KCNIP4: variants seen among roughly 807,000 people sequenced by gnomAD.
KCNIP4 encodes the protein potassium voltage-gated channel interacting protein 4, also known as Kv channel-interacting protein 4.
A neutral mutation model predicts 34.0 loss-of-function variants in KCNIP4; 12 were observed. That is an observed-to-expected ratio of 0.35 (90% CI 0.23 to 0.57). The LOEUF (loss-of-function observed/expected upper bound fraction) is 0.57, where lower values mean the gene tolerates loss of function less well. Ranked by LOEUF, KCNIP4 falls within the 20% of genes least tolerant of loss-of-function variation. The pLI is 0.83. For synonymous variants in KCNIP4, 124 were observed against 102.2 expected, an observed-to-expected ratio of 1.21 and a Z score of -1.29; for missense variants, 238 against 311.7, an observed-to-expected ratio of 0.76 and a Z score of 1.78.
At chr4:21,272,220 G>A (rs755414975) in intron 1 of KCNIP4, among the ~76,000 whole-genome samples, 4 of 152,056 alleles carry the variant, frequency 2.6e-5, no homozygotes, top group African/African-American at 4.8e-5. Context: ...TAGCAGTACC[G>A]ACCCCATAAA....
At chr4:21,824,866 C>T (rs1048034493) in intron 1 of KCNIP4, among the ~76,000 whole-genome samples, 7 of 152,204 alleles carry the variant, frequency 4.6e-5, no homozygotes, top group South Asian at 2.1e-4. Context: ...TATGTGAGAG[C>T]GAGGCCATGC....
At chr4:21,632,620 T>G (rs907351680) in intron 1 of KCNIP4, among the ~76,000 whole-genome samples, 4 of 152,270 alleles carry the variant, frequency 2.6e-5, no homozygotes, top group African/African-American at 9.6e-5. Context: ...TGTCCCAGGG[T>G]TTATAATGAG....
chr4:20,911,967 TCA>T (rs1728369520), intron 1 of KCNIP4, among the ~76,000 whole-genome samples: 1 of 152,188 alleles, frequency 6.6e-6, no homozygotes, highest in Admixed American at 6.5e-5. Context: ...TTAATCCAGC[TCA>T]CAGTGCATCA....
chr4:21,826,513 A>G (rs890239408), intron 1 of KCNIP4, among the ~76,000 whole-genome samples: 1 of 152,152 alleles, frequency 6.6e-6, no homozygotes, highest in African/African-American at 2.4e-5. Context: ...ACTAGTCAAC[A>G]AGGTGTTTTT....
At chr4:21,922,747 T>C (rs1378993507) in intron 1 of KCNIP4, among the ~76,000 whole-genome samples, 1 of 152,026 alleles carries the variant, frequency 6.6e-6, no homozygotes, top group East Asian at 1.9e-4. Flanking sequence ...GAAACAAAAA[T>C]CAGTAATGAA....
chr4:21,593,129 G>T (rs1001830263), intron 1 of KCNIP4, among the ~76,000 whole-genome samples: 2 of 151,150 alleles, frequency 1.3e-5, no homozygotes, highest in Non-Finnish European at 3.0e-5. Context: ...TTGTGTGTGT[G>T]TGTGTGTGTG....
chr4:21,301,622 C>A (rs1711715305), intron 1 of KCNIP4, among the ~76,000 whole-genome samples: 1 of 152,074 alleles, frequency 6.6e-6, no homozygotes, highest in African/African-American at 2.4e-5. Flanking sequence ...ATGAAATGAG[C>A]ATCAGTACTT....
At chr4:21,729,013 C>T (rs55877532) in intron 1 of KCNIP4, among the ~76,000 whole-genome samples, 46,355 of 151,996 alleles carry the variant, frequency 0.3, 8,227 homozygotes, top group East Asian at 0.68. Flanking sequence ...ACGCTTGTTC[C>T]TTGCATTTAT....
At chr4:21,238,840 G>T (rs1400718209) in intron 1 of KCNIP4, among the ~76,000 whole-genome samples, 1 of 152,078 alleles carries the variant, frequency 6.6e-6, no homozygotes, top group East Asian at 1.9e-4. Flanking sequence ...TCCCCATCAA[G>T]CTACCAATGA....
intron 1 of KCNIP4, among the ~76,000 whole-genome samples, chr4:21,207,165 A>G (rs1191018036): frequency 6.6e-6 from 1 of 152,156 alleles, no homozygotes; most frequent in Non-Finnish European, 1.5e-5. Context: ...GTGTTTCTGA[A>G]TTTTGGTACT....
At chr4:21,123,546 T>C (rs763358981) in intron 1 of KCNIP4, among the ~76,000 whole-genome samples, 9 of 152,246 alleles carry the variant, frequency 5.9e-5, no homozygotes, top group Non-Finnish European at 1.2e-4. Flanking sequence ...CTATTTACTA[T>C]ATTAAATGTT....
At chr4:21,384,836 G>A (rs1353918738) in intron 1 of KCNIP4, among the ~76,000 whole-genome samples, 1 of 152,146 alleles carries the variant, frequency 6.6e-6, no homozygotes, top group East Asian at 1.9e-4. Context: ...TGAAATAGCT[G>A]AGCTCCCTGG....
intron 5 of KCNIP4, among the ~76,000 whole-genome samples, chr4:20,742,766 A>C (rs1490246101): frequency 6.6e-6 from 1 of 152,180 alleles, no homozygotes; most frequent in Non-Finnish European, 1.5e-5. Flanking sequence ...GGAAAGAAGA[A>C]GTCAAATTTT....
chr4:21,853,918 T>G (rs994824213), intron 1 of KCNIP4, among the ~76,000 whole-genome samples: 3 of 152,198 alleles, frequency 2.0e-5, no homozygotes, highest in African/African-American at 4.8e-5. Flanking sequence ...GAATAGCATC[T>G]AATGTTGTCA....
At chr4:21,261,094 G>A (rs1761439346) in intron 1 of KCNIP4, among the ~76,000 whole-genome samples, 2 of 152,222 alleles carry the variant, frequency 1.3e-5, no homozygotes, top group South Asian at 2.1e-4. Context: ...AGTTCACTGT[G>A]TCTAATATTG....
intron 1 of KCNIP4, among the ~76,000 whole-genome samples, chr4:21,364,550 C>T (rs114576350): frequency 0.011 from 1,620 of 152,016 alleles, 29 homozygotes; most frequent in African/African-American, 0.037. Context: ...GATGGAAGGA[C>T]CTCAGTTAGG....
chr4:21,760,909 A>T (rs973402758), intron 1 of KCNIP4, among the ~76,000 whole-genome samples: 1 of 152,102 alleles, frequency 6.6e-6, no homozygotes, highest in Non-Finnish European at 1.5e-5. Flanking sequence ...CATTTAACAG[A>T]TATTCATTCA....
intron 1 of KCNIP4, among the ~76,000 whole-genome samples, chr4:21,581,801 T>C (rs933431119): frequency 2.0e-5 from 3 of 152,006 alleles, no homozygotes; most frequent in Non-Finnish European, 4.4e-5. Flanking sequence ...GTCAAACTCA[T>C]GTGATCCTGT....
At chr4:21,296,591 AG>A (rs1763853404) in intron 1 of KCNIP4, among the ~76,000 whole-genome samples, 1 of 151,772 alleles carries the variant, frequency 6.6e-6, no homozygotes, top group South Asian at 2.1e-4. Context: ...TGAAGTACTG[AG>A]GGTTGGAGTG....
Sources: gnomAD v4.1 joint callset for allele counts (sites outside exome capture counted in the v4.1 genomes callset) on GRCh38, gnomAD v4.1.1 for gene constraint, MANE v1.5 for transcripts, NCBI Gene and HGNC (gene_info 2026-07-23, HGNC 2026-07-21) for gene names.